The following SLC35D2 variants were observed in gnomAD, a reference collection of about 807,000 sequenced individuals.
SLC35D2 encodes the protein solute carrier family 35 member D2.
A neutral mutation model predicts 41.8 loss-of-function variants in SLC35D2; 43 were observed. The observed-to-expected ratio is 1.03, with a 90% CI of 0.81 to 1.33. The LOEUF (loss-of-function observed/expected upper bound fraction) is 1.33. Ranked by LOEUF, SLC35D2 falls within the 40% of genes most tolerant of loss-of-function variation. The probability of loss-of-function intolerance (pLI) is 0.00; values close to 1 mark genes in which losing one functional copy is unlikely to be tolerated. For missense variants in SLC35D2, 380 were observed against 408.4 expected (o/e 0.93, Z 0.60); for synonymous variants, 150 against 163.9 (o/e 0.92, Z 0.65).
intron 6 of SLC35D2, among the ~76,000 whole-genome samples, chr9:96,350,325 G>A (rs1225585724): frequency 2.8e-5 from 4 of 143,806 alleles, no homozygotes; most frequent in South Asian, 2.3e-4. Flanking sequence ...CACACACCAC[G>A]ACGCCAGGCT....
chr9:96,380,659 G>C (rs1169433037), intron 1 of SLC35D2, among the ~76,000 whole-genome samples: 1 of 151,350 alleles, frequency 6.6e-6, no homozygotes, highest in Non-Finnish European at 1.5e-5. Context: ...ATTTTTAGTA[G>C]AGACAGGGTT....
intron 4 of SLC35D2, among the ~76,000 whole-genome samples, chr9:96,353,966 C>T (rs1829917652): frequency 6.6e-6 from 1 of 152,194 alleles, no homozygotes; most frequent in Admixed American, 6.5e-5. Flanking sequence ...GGCTTCACAT[C>T]ATCAACCACA....
At chr9:96,374,684 A>T (rs958426136) in intron 1 of SLC35D2, among the ~76,000 whole-genome samples, 3 of 149,798 alleles carry the variant, frequency 2.0e-5, no homozygotes, top group Non-Finnish European at 3.0e-5. Flanking sequence ...AAAATAAAAA[A>T]AAAATTAGCC....
chr9:96,360,100 C>T, intron 4 of SLC35D2, 54 bp downstream of exon 4: 1 of 1,320,834 alleles, frequency 7.6e-7, no homozygotes, highest in Non-Finnish European at 1.1e-6. Flanking sequence ...GTCTTTGTAC[C>T]ACTGGCAGCA....
chr9:96,349,043 G>A (rs1320111146), intron 6 of SLC35D2, among the ~76,000 whole-genome samples: 1 of 152,162 alleles, frequency 6.6e-6, no homozygotes, highest in Non-Finnish European at 1.5e-5. Context: ...GAGAAGCCCA[G>A]GGAATTTCAC....
At position 96,383,645 on chromosome 9, in the gene SLC35D2, C is replaced by G. The variant is rs2131060815; in HGVS notation, c.-11G>C. 9.6e-7 allele frequency: 1 copy of G among 1,037,990 alleles called. No homozygotes were observed. Among genetic ancestry groups the G allele is most frequent in the South Asian group, 4.4e-5 (1 of 22,660 alleles). 64.3% of individuals were successfully genotyped at this position (1,037,990 alleles called of 1,614,324 possible). A position where few individuals can be genotyped will look rare whatever the true frequency, so the allele number is the denominator to read the frequency against. On this transcript the variant is annotated 5_prime_UTR_variant, in exon 1 of 12. Coordinates refer to ENST00000253270, the MANE Select transcript of SLC35D2 (RefSeq NM_007001.3). ...GCCGCCGGCCGTCATCTCCTGCGGC[C>G]CCGCGGACCCCGCCGCCCGCCAGCC...
chr9:96,321,423 T>G, intron 11 of SLC35D2, 82 bp from the exon 12 acceptor site: 1 of 866,494 alleles, frequency 1.2e-6, no homozygotes. Flanking sequence ...TTTTTATCAA[T>G]ACACCTGCTT....
intron 11 of SLC35D2, chr9:96,314,971 T>C (rs1403223567): frequency 6.6e-6 from 1 of 152,208 alleles, no homozygotes; most frequent in Admixed American, 6.5e-5. Context: ...TTACCAAGTG[T>C]TAGTAGGTTT....
At chr9:96,358,080 T>TATATTATATATATATATA (rs1554715405) in intron 4 of SLC35D2, among the ~76,000 whole-genome samples, 1 of 122,710 alleles carries the variant, frequency 8.1e-6, no homozygotes, top group South Asian at 2.4e-4. Flanking sequence ...ATTATATATT[T>TATATTATATATATATATA]TATATATATA....
At chr9:96,326,314 G>A (rs1217476902) in intron 9 of SLC35D2, among the ~76,000 whole-genome samples, 9 of 152,162 alleles carry the variant, frequency 5.9e-5, no homozygotes, top group Admixed American at 5.9e-4. Flanking sequence ...AGTTGAAAAT[G>A]CTTAAATTCT....
Position 96,321,134 on chromosome 9 carries a change from C to T in SLC35D2, c.*108G>A, listed in dbSNP as rs1486208269. 5 of 774,020 alleles carry T rather than the reference C, an allele frequency of 6.5e-6. No individual in the cohort carries two copies. The highest frequency in any genetic ancestry group is 3.5e-5 in the African/African-American group (2 of 57,200). The allele number at this position is 774,020 out of a possible 1,614,324, so 47.9% of individuals were successfully genotyped here. A position where few individuals can be genotyped will look rare whatever the true frequency, so the allele number is the denominator to read the frequency against. ...TGCATTTTGCAGATGCTCTCACTTGCCCAGGGGGTGGATGTCACGAATCCG... is the reference window on the plus strand; with the variant it reads ...TGCATTTTGCAGATGCTCTCACTTGTCCAGGGGGTGGATGTCACGAATCCG... On this transcript the variant is annotated 3_prime_UTR_variant, in exon 12 of 12. Coordinates refer to ENST00000253270, the MANE Select transcript of SLC35D2 (RefSeq NM_007001.3).
chr9:96,353,875 G>A (rs981454586), intron 4 of SLC35D2, among the ~76,000 whole-genome samples: 2 of 152,184 alleles, frequency 1.3e-5, no homozygotes, highest in African/African-American at 2.4e-5. Context: ...CTGAGCGGCC[G>A]ATGAGCTAGG....
rs1401678003 is a variant in SLC35D2, at chr9:96,378,209, G to C, written c.158+5268C>G. Among the ~76,000 whole-genome samples the C allele has an allele frequency of 1.6e-3, 240 of 151,784 alleles. 4 individuals carry two copies. Among genetic ancestry groups the C allele is most frequent in the Non-Finnish European group, 4.6e-4 (31 of 67,980 alleles). Reference sequence around the variant, plus strand: ...AGCACTTTAGGAGGCCAAGCCAGGTGGACCACTTGAGCCCAAGAGTTCGAG... The same window carrying C: ...AGCACTTTAGGAGGCCAAGCCAGGTCGACCACTTGAGCCCAAGAGTTCGAG... On this transcript the variant is annotated intron_variant, in intron 1 of 11. Coordinates refer to ENST00000253270, the MANE Select transcript of SLC35D2 (RefSeq NM_007001.3).
chr9:96,321,683 C>G (rs1828235096), intron 11 of SLC35D2, among the ~76,000 whole-genome samples: 1 of 152,118 alleles, frequency 6.6e-6, no homozygotes, highest in Non-Finnish European at 1.5e-5. Context: ...CCCTGCATGC[C>G]GAGCCTAGTG....
intron 8 of SLC35D2, among the ~76,000 whole-genome samples, chr9:96,341,100 A>G (rs1829305583): frequency 6.6e-6 from 1 of 152,138 alleles, no homozygotes; most frequent in South Asian, 2.1e-4. Flanking sequence ...CATCCTGGCC[A>G]ACATGGTGAA....
chr9:96,367,134 C>T (rs533181678), intron 2 of SLC35D2, among the ~76,000 whole-genome samples: 1 of 148,662 alleles, frequency 6.7e-6, no homozygotes, highest in East Asian at 2.0e-4. Flanking sequence ...GCATAAGAAT[C>T]ACTTGAACCC....
intron 9 of SLC35D2, among the ~76,000 whole-genome samples, chr9:96,336,407 T>C (rs75565933): frequency 0.13 from 20,062 of 152,086 alleles, 1,757 homozygotes; most frequent in East Asian, 0.28. Flanking sequence ...TCCTCAGCAT[T>C]GAACTTGAAA....
At chr9:96,379,108 G>C (rs986705712) in intron 1 of SLC35D2, among the ~76,000 whole-genome samples, 7 of 150,786 alleles carry the variant, frequency 4.6e-5, no homozygotes, top group African/African-American at 1.7e-4. Context: ...GACCAGCCCG[G>C]GCAACATAGC....
intron 1 of SLC35D2, chr9:96,374,093 T>C (rs1172578067): frequency 6.6e-6 from 1 of 152,154 alleles, no homozygotes; most frequent in Non-Finnish European, 1.5e-5. Flanking sequence ...CTTTTCAAAA[T>C]AAAAAGTTTG....
Sources: gnomAD v4.1 joint callset for allele counts (sites outside exome capture counted in the v4.1 genomes callset) on GRCh38, gnomAD v4.1.1 for gene constraint, MANE v1.5 for transcripts, NCBI Gene and HGNC (gene_info 2026-07-23, HGNC 2026-07-21) for gene names.